Variants in KIF6 observed in about 807,000 individuals in gnomAD.
KIF6 encodes kinesin family member 6.
A neutral mutation model predicts 112.7 loss-of-function variants in KIF6; 106 were observed. The ratio of observed to expected loss-of-function variants is 0.94; its 90% confidence interval spans 0.80 to 1.11. The LOEUF (loss-of-function observed/expected upper bound fraction) is 1.11. Ranked by LOEUF, KIF6 falls within the 50% of genes least tolerant of loss-of-function variation. The pLI, the probability that KIF6 is intolerant of heterozygous loss-of-function variation, is 0.00. For missense variants in KIF6, 929 were observed against 964.0 expected (o/e 0.96, Z 0.48); for synonymous variants, 339 against 339.9 (o/e 1.00, Z 0.03).
At chr6:39,698,517 G>A (rs147814731) in intron 3 of KIF6, among the ~76,000 whole-genome samples, 4 of 152,180 alleles carry the variant, frequency 2.6e-5, no homozygotes, top group East Asian at 3.9e-4. Context: ...TTTAAATCTC[G>A]ACAGAGCCAT....
chr6:39,361,931 C>A (rs1765183577), intron 17 of KIF6, among the ~76,000 whole-genome samples: 2 of 152,296 alleles, frequency 1.3e-5, no homozygotes, highest in South Asian at 4.1e-4. Context: ...CACACATGTG[C>A]TAAATGCATC....
chr6:39,530,800 C>G (rs1280481706), intron 13 of KIF6, among the ~76,000 whole-genome samples: 2 of 152,186 alleles, frequency 1.3e-5, no homozygotes, highest in African/African-American at 4.8e-5. Context: ...TTAATAGAAA[C>G]TGTTAACACT....
intron 5 of KIF6, among the ~76,000 whole-genome samples, chr6:39,633,515 A>T (rs1784462538): frequency 6.6e-6 from 1 of 152,216 alleles, no homozygotes; most frequent in African/African-American, 2.4e-5. Flanking sequence ...AGTTAAAAAG[A>T]CTGGTGACCT....
At chr6:39,522,968 C>T (rs1016304417) in intron 13 of KIF6, among the ~76,000 whole-genome samples, 4 of 152,192 alleles carry the variant, frequency 2.6e-5, no homozygotes, top group Admixed American at 1.3e-4. Context: ...GTCAATTATA[C>T]ATTCATTTCT....
chr6:39,488,979 G>A (rs11964924), intron 13 of KIF6, among the ~76,000 whole-genome samples: 9,245 of 152,162 alleles, frequency 0.061, 500 homozygotes, highest in East Asian at 0.25. Context: ...GTCTTCCAAA[G>A]TCTTGACAGC....
chr6:39,715,214 G>C (rs1789764228), intron 2 of KIF6, among the ~76,000 whole-genome samples: 1 of 152,184 alleles, frequency 6.6e-6, no homozygotes, highest in South Asian at 2.1e-4. Context: ...CTTAGTTTTA[G>C]TATTTTGAAC....
intron 10 of KIF6, among the ~76,000 whole-genome samples, chr6:39,572,264 T>C (rs1780683539): frequency 6.6e-6 from 1 of 152,308 alleles, no homozygotes. Flanking sequence ...TATATTCCTT[T>C]GTTCTGTGTT....
intron 13 of KIF6, among the ~76,000 whole-genome samples, chr6:39,472,643 T>G (rs1449988732): frequency 6.6e-6 from 1 of 152,178 alleles, no homozygotes; most frequent in Non-Finnish European, 1.5e-5. Flanking sequence ...AATGTGATAC[T>G]CTAGTTTTGT....
rs1038465863 is a variant in KIF6, at chr6:39,335,317, C to T, written c.*1215G>A. The T allele has an allele frequency of 6.6e-6, 1 of 152,118 alleles. No individual in the cohort carries two copies. Among genetic ancestry groups the T allele is most frequent in the Non-Finnish European group, 1.5e-5 (1 of 68,038 alleles). The allele number at this position is 152,118 out of a possible 1,614,324, so 9.4% of individuals were successfully genotyped here. On this transcript the variant is annotated 3_prime_UTR_variant, in exon 23 of 23. Transcript: ENST00000287152. Reference sequence around the variant, plus strand: ...CAGCAAGCTGAATCTCCCCTTCACTCTGGCCTTCTAATTATATAAAATAGG... The same window carrying T: ...CAGCAAGCTGAATCTCCCCTTCACTTTGGCCTTCTAATTATATAAAATAGG...
chr6:39,352,851 A>C (rs1026510138), intron 19 of KIF6, among the ~76,000 whole-genome samples: 8 of 152,080 alleles, frequency 5.3e-5, no homozygotes, highest in Admixed American at 3.9e-4. Context: ...TGATCCACCC[A>C]CCTTGGCCTC....
At chr6:39,431,612 C>T (rs912204646) in intron 13 of KIF6, among the ~76,000 whole-genome samples, 3 of 152,206 alleles carry the variant, frequency 2.0e-5, no homozygotes, top group Non-Finnish European at 2.9e-5. Context: ...AAATTCTGCT[C>T]TTAGTCTCTG....
Position 39,584,943 on chromosome 6 carries a change from G to C in KIF6, c.1032C>G (p.Leu344=). The C allele has an allele frequency of 6.2e-7, 1 of 1,612,366 alleles. No homozygotes were observed. Among genetic ancestry groups the C allele is most frequent in the Non-Finnish European group, 8.5e-7 (1 of 1,178,736 alleles). Residue 344 remains leucine (L), a synonymous_variant, in exon 9 of 23, where the codon CTC becomes CTG. Transcript: ENST00000287152. ...CATTAAGAACAGCTTCATTCTTTAT[G>C]AGTGCCACTCGCTGTGCAAATCTGC... The part of the protein sequence containing the change: ...STCRFAQRVA[L]IKNEAVLNEE...
At chr6:39,719,000 A>G (rs1790038928) in intron 2 of KIF6, among the ~76,000 whole-genome samples, 1 of 152,124 alleles carries the variant, frequency 6.6e-6, no homozygotes, top group African/African-American at 2.4e-5. Flanking sequence ...TCTTTATGAG[A>G]CAACAAAAAA....
intron 7 of KIF6, among the ~76,000 whole-genome samples, chr6:39,590,451 A>ATATATATAT (rs1338373703): frequency 1.2e-4 from 10 of 84,744 alleles, no homozygotes; most frequent in African/African-American, 4.6e-4. Flanking sequence ...ATATATATAT[A>ATATATATAT]TTTTTTTTTT....
intron 3 of KIF6, among the ~76,000 whole-genome samples, chr6:39,706,003 G>A (rs1445875548): frequency 6.6e-6 from 1 of 152,130 alleles, no homozygotes; most frequent in Non-Finnish European, 1.5e-5. Flanking sequence ...GTGCATCTCC[G>A]ATCCACTGGT....
chr6:39,460,669 T>C (rs1372669912), intron 13 of KIF6, among the ~76,000 whole-genome samples: 1 of 151,478 alleles, frequency 6.6e-6, no homozygotes, highest in Non-Finnish European at 1.5e-5. Flanking sequence ...AACATAATAG[T>C]ACTTTTACCA....
At chr6:39,512,557 G>A (rs1053155466) in intron 13 of KIF6, among the ~76,000 whole-genome samples, 11 of 152,172 alleles carry the variant, frequency 7.2e-5, no homozygotes, top group African/African-American at 2.7e-4. Context: ...CCAGCAGTGA[G>A]CCTAGGCTTG....
At chr6:39,449,314 C>T (rs778073291) in intron 13 of KIF6, among the ~76,000 whole-genome samples, 8 of 152,226 alleles carry the variant, frequency 5.3e-5, no homozygotes, top group South Asian at 2.1e-4. Flanking sequence ...GACCTCCTGG[C>T]GTCATCTGGT....
At chr6:39,355,295 A>T (rs1764558230) in intron 19 of KIF6, among the ~76,000 whole-genome samples, 2 of 151,814 alleles carry the variant, frequency 1.3e-5, no homozygotes, top group South Asian at 2.1e-4. Flanking sequence ...TACATTAAAC[A>T]TTTTTTTTCT....
Sources: gnomAD v4.1 joint callset for allele counts (sites outside exome capture counted in the v4.1 genomes callset) on GRCh38, gnomAD v4.1.1 for gene constraint, MANE v1.5 for transcripts, NCBI Gene and HGNC (gene_info 2026-07-23, HGNC 2026-07-21) for gene names.